The following CTNNA2 variants were observed in gnomAD, a reference collection of about 807,000 sequenced individuals.
CTNNA2 encodes the protein catenin alpha-2.
CTNNA2 carries 42 observed loss-of-function variants against 101.0 expected under a neutral mutation model. The observed-to-expected ratio is 0.42, with a 90% CI of 0.32 to 0.54. The LOEUF (loss-of-function observed/expected upper bound fraction) is 0.54. Among genes scored for constraint, CTNNA2 ranks in the 20% least tolerant of loss-of-function variants. The pLI is 0.14. For missense variants in CTNNA2, 871 were observed against 1,223.1 expected, an observed-to-expected ratio of 0.71 and a Z score of 4.29; for synonymous variants, 450 against 456.4, an observed-to-expected ratio of 0.99 and a Z score of 0.18.
chr2:79,753,906 T>C (rs553343515), intron 3 of CTNNA2, among the ~76,000 whole-genome samples: 22 of 149,860 alleles, frequency 1.5e-4, no homozygotes, highest in South Asian at 8.6e-4. Flanking sequence ...TCTTGCTCTG[T>C]CACCCAGGTT....
chr2:80,407,586 G>A (rs543139916), intron 8 of CTNNA2, among the ~76,000 whole-genome samples: 267 of 152,292 alleles, frequency 1.8e-3, no homozygotes, highest in African/African-American at 6.0e-3. Context: ...CCTTTACAGC[G>A]GAGAGTCTGC....
At chr2:80,495,898 C>A (rs2149524604) in intron 9 of CTNNA2, among the ~76,000 whole-genome samples, 1 of 137,666 alleles carries the variant, frequency 7.3e-6, no homozygotes, top group East Asian at 2.3e-4. Context: ...CGAGATTATG[C>A]CACTGCACTC....
intron 18 of CTNNA2, among the ~76,000 whole-genome samples, chr2:80,629,922 C>T (rs543471143): frequency 2.7e-4 from 41 of 152,098 alleles, no homozygotes; most frequent in Admixed American, 6.6e-4. Flanking sequence ...TAAATGGAGC[C>T]TTTCAAGTCT....
At chr2:80,097,615 C>T (rs1033718598) in intron 7 of CTNNA2, among the ~76,000 whole-genome samples, 2 of 152,158 alleles carry the variant, frequency 1.3e-5, no homozygotes, top group Non-Finnish European at 1.5e-5. Flanking sequence ...CAACTTGGTT[C>T]CATTCTGTCC....
At chr2:79,387,713 C>A (rs1678120272) in intron 4 of CTNNA2, among the ~76,000 whole-genome samples, 1 of 142,588 alleles carries the variant, frequency 7.0e-6, no homozygotes, top group African/African-American at 3.1e-5. Context: ...AAGCAGAACT[C>A]CAAAACCTGG....
intron 7 of CTNNA2, among the ~76,000 whole-genome samples, chr2:80,129,560 A>G (rs1476803529): frequency 2.6e-5 from 4 of 152,290 alleles, no homozygotes; most frequent in South Asian, 2.1e-4. Flanking sequence ...CTGTTGGTTC[A>G]GTTACCCAAT....
At chr2:79,486,184 A>G (rs1023138476) in intron 4 of CTNNA2, among the ~76,000 whole-genome samples, 4 of 151,862 alleles carry the variant, frequency 2.6e-5, no homozygotes, top group African/African-American at 9.7e-5. Context: ...TTAACTCGTC[A>G]TTTAACATTA....
intron 1 of CTNNA2, among the ~76,000 whole-genome samples, chr2:79,527,548 G>A (rs1672488400): frequency 6.6e-6 from 1 of 151,522 alleles, no homozygotes; most frequent in Non-Finnish European, 1.5e-5. Flanking sequence ...AGGAGACTGA[G>A]GCAGGAGAAT....
chr2:79,589,247 G>A (rs1209191772), intron 1 of CTNNA2, among the ~76,000 whole-genome samples: 11 of 152,130 alleles, frequency 7.2e-5, no homozygotes, highest in Non-Finnish European at 1.5e-4. Flanking sequence ...GTGGTTTTTG[G>A]GGTCTGTGCC....
At chr2:79,325,135 A>G (rs964382173) in intron 3 of CTNNA2, among the ~76,000 whole-genome samples, 1 of 152,166 alleles carries the variant, frequency 6.6e-6, no homozygotes, top group African/African-American at 2.4e-5. Context: ...CCAGGTGCAG[A>G]CACATAGGAG....
At chr2:79,546,180 A>G (rs1402586947) in intron 1 of CTNNA2, among the ~76,000 whole-genome samples, 1 of 152,134 alleles carries the variant, frequency 6.6e-6, no homozygotes, top group Admixed American at 6.5e-5. Context: ...CAGAGTTGCT[A>G]TAAATATTGC....
chr2:79,614,352 C>T (rs868489171), intron 1 of CTNNA2, among the ~76,000 whole-genome samples: 5 of 151,956 alleles, frequency 3.3e-5, no homozygotes, highest in Non-Finnish European at 5.9e-5. Flanking sequence ...TACACATAAT[C>T]GTTTTTCTGA....
chr2:80,061,827 G>C (rs1223985452), intron 7 of CTNNA2, among the ~76,000 whole-genome samples: 1 of 152,154 alleles, frequency 6.6e-6, no homozygotes, highest in African/African-American at 2.4e-5. Context: ...TTATAGATGA[G>C]TGAATGAGGG....
intron 7 of CTNNA2, among the ~76,000 whole-genome samples, chr2:80,056,793 C>T (rs1416371187): frequency 6.6e-6 from 1 of 152,190 alleles, no homozygotes; most frequent in African/African-American, 2.4e-5. Context: ...AGAACTCCCA[C>T]CCACCATGAA....
chr2:79,653,012 C>T (rs992109651), intron 2 of CTNNA2, among the ~76,000 whole-genome samples: 1 of 152,096 alleles, frequency 6.6e-6, no homozygotes, highest in Non-Finnish European at 1.5e-5. Flanking sequence ...AACTACAAAA[C>T]AAATTATATG....
At chr2:79,207,047 T>C (rs1410585853) in intron 2 of CTNNA2, among the ~76,000 whole-genome samples, 1 of 152,182 alleles carries the variant, frequency 6.6e-6, no homozygotes, top group Non-Finnish European at 1.5e-5. Context: ...TGTGGCAAAG[T>C]ACATTGTTTA....
At chr2:80,443,967 G>T (rs993334806) in intron 9 of CTNNA2, among the ~76,000 whole-genome samples, 1 of 152,126 alleles carries the variant, frequency 6.6e-6, no homozygotes. Flanking sequence ...AGGGAGACAT[G>T]AATAGGTTAA....
At chr2:79,641,351 C>T (rs979385856) in intron 1 of CTNNA2, among the ~76,000 whole-genome samples, 1 of 152,066 alleles carries the variant, frequency 6.6e-6, no homozygotes, top group African/African-American at 2.4e-5. Flanking sequence ...ACAAGAAATT[C>T]TAATTTATAG....
chr2:80,515,148 C>G (rs1689011324), intron 9 of CTNNA2, among the ~76,000 whole-genome samples: 1 of 151,718 alleles, frequency 6.6e-6, no homozygotes, highest in African/African-American at 2.4e-5. Flanking sequence ...GTGAATTGCC[C>G]ATCTTTTTTT....
Sources: gnomAD v4.1 joint callset for allele counts (sites outside exome capture counted in the v4.1 genomes callset) on GRCh38, gnomAD v4.1.1 for gene constraint, MANE v1.5 for transcripts, NCBI Gene and HGNC (gene_info 2026-07-23, HGNC 2026-07-21) for gene names.